ELF1: variants seen among roughly 807,000 people sequenced by gnomAD.
The protein encoded by ELF1 is ETS-related transcription factor Elf-1.
In ELF1, 24 loss-of-function variants were observed where a neutral mutation model predicts 59.9. The observed-to-expected ratio is 0.40, with a 90% CI of 0.29 to 0.56. ELF1 has a LOEUF of 0.56. Among genes scored for constraint, ELF1 ranks in the 20% least tolerant of loss-of-function variants. The pLI is 0.44. For synonymous variants in ELF1, 248 were observed against 266.2 expected, an observed-to-expected ratio of 0.93 and a Z score of 0.67; for missense variants, 627 against 742.2, an observed-to-expected ratio of 0.84 and a Z score of 1.80.
At chr13:41,024,813 T>G (rs1025992511) in intron 1 of ELF1, among the ~76,000 whole-genome samples, 1 of 152,208 alleles carries the variant, frequency 6.6e-6, no homozygotes, top group African/African-American at 2.4e-5. Flanking sequence ...ATTTTTATAC[T>G]GAGTTTAAAG....
At position 40,986,934 on chromosome 13, in the gene ELF1, G is replaced by GCT. The variant is rs200631432; in HGVS notation, c.-228-4654_-228-4653dup. Among the ~76,000 whole-genome samples, 24 of 11,588 alleles carry GCT rather than the reference G, an allele frequency of 2.1e-3. 8 individuals carry two copies. The highest frequency in any genetic ancestry group is 5.5e-3 in the Admixed American group (3 of 550). The allele number at this position is 11,588 out of a possible 152,430, so 7.6% of individuals were successfully genotyped here. ...ATAAATATATTTTTAGAAAATCATT[G>GCT]CTCTTTTTTTTTTTTTTTTTTGAGT... On this transcript the variant is annotated intron_variant, in intron 1 of 8. Transcript: ENST00000239882.
Position 40,941,085 on chromosome 13 carries a change from T to C in ELF1, c.1092A>G (p.Pro364=). The change falls in exon 8 of 9, where the codon CCA becomes CCG. Residue 364 remains proline, a synonymous_variant. Transcript: ENST00000239882. The part of the protein sequence containing the change: ...KPKDPVEVAQ[P]SEVLRTVQPT... ...GCTGCACTGTCCTCAAAACTTCTGA[T>C]GGTTGTGCAACTTCCACAGGATCTT... The C allele has an allele frequency of 1.2e-6, 2 of 1,614,202 alleles. No individual in the cohort carries two copies. The highest frequency in any genetic ancestry group is 1.1e-5 in the South Asian group (1 of 91,080).
chr13:40,968,641 C>A (rs1698880258), intron 2 of ELF1, among the ~76,000 whole-genome samples: 2 of 151,820 alleles, frequency 1.3e-5, no homozygotes, highest in African/African-American at 2.4e-5. Context: ...TCTCCACATA[C>A]TTTAAAAAAA....
At chr13:41,049,185 G>T (rs1160966786) in intron 1 of ELF1, among the ~76,000 whole-genome samples, 1 of 152,162 alleles carries the variant, frequency 6.6e-6, no homozygotes, top group Admixed American at 6.6e-5. Flanking sequence ...CCCAAGTCAA[G>T]TATCAATTTC....
rs1030331782 is a variant in ELF1, at chr13:40,956,121, G to A, written c.253+2715C>T. On this transcript the variant is annotated intron_variant, in intron 3 of 8. Coordinates refer to ENST00000239882, the MANE Select transcript of ELF1 (RefSeq NM_172373.4). ...GCCATGATGACAATGGCGGTTTTGT[G>A]GAATAGAAAGGGGGGAAAGGTGGGG... 5.7e-3 allele frequency among the ~76,000 whole-genome samples: 859 copies of A among 150,116 alleles called. 8 individuals are homozygous for A. Among genetic ancestry groups the A allele is most frequent in the South Asian group, 0.013 (62 of 4,600 alleles).
At chr13:40,950,533 A>G (rs948350271) in intron 4 of ELF1, among the ~76,000 whole-genome samples, 3 of 151,820 alleles carry the variant, frequency 2.0e-5, no homozygotes, top group Non-Finnish European at 4.4e-5. Context: ...CTTTAACTCC[A>G]TTCCCTCCAG....
intron 1 of ELF1, among the ~76,000 whole-genome samples, chr13:41,010,465 CA>C (rs1355077016): frequency 7.0e-6 from 1 of 143,832 alleles, no homozygotes; most frequent in Non-Finnish European, 1.5e-5. Context: ...CCCACCCCCC[CA>C]AAAAAATACA....
At chr13:40,961,076 G>A (rs1256505407) in intron 2 of ELF1, among the ~76,000 whole-genome samples, 2 of 152,022 alleles carry the variant, frequency 1.3e-5, no homozygotes, top group African/African-American at 2.4e-5. Flanking sequence ...TATTATTTAT[G>A]GTTTCATTGC....
intron 1 of ELF1, among the ~76,000 whole-genome samples, chr13:41,032,954 AC>A (rs1462676858): frequency 2.6e-5 from 4 of 152,188 alleles, no homozygotes; most frequent in African/African-American, 9.6e-5. Context: ...TGTCCTACGG[AC>A]TGATGACTGA....
intron 6 of ELF1, 84 bp from the exon 7 acceptor site, chr13:40,943,228 G>T: frequency 8.5e-7 from 1 of 1,180,688 alleles, no homozygotes; most frequent in Non-Finnish European, 1.1e-6. Context: ...TCTTAGAAGT[G>T]CCATTTATAT....
At position 41,012,047 on chromosome 13, in the gene ELF1, C is replaced by T. The variant is rs548055896; in HGVS notation, c.-229+7181G>A. Among the ~76,000 whole-genome samples, 93 of 152,206 alleles carry T rather than the reference C, an allele frequency of 6.1e-4. 3 individuals are homozygous for T. In the South Asian group the frequency reaches 0.017, roughly 28 times the overall value. ...TGAGGCCAGGTGCAGTAGCTCCCAC[C>T]TGTAATCCCAGGACTTTGGGAGGCT... On this transcript the variant is annotated intron_variant, in intron 1 of 8. Transcript: ENST00000239882.
upstream of ELF1, among the ~76,000 whole-genome samples, chr13:41,022,806 G>A (rs368013214): frequency 6.6e-6 from 1 of 152,144 alleles, no homozygotes; most frequent in East Asian, 1.9e-4. Context: ...TTGAACCTGG[G>A]AGGTGGAGGT....
chr13:40,934,138 C>T (rs1869605496), intron 8 of ELF1, 110 bp from the exon 9 acceptor site: 6 of 1,388,730 alleles, frequency 4.3e-6, no homozygotes, highest in Non-Finnish European at 5.8e-6. Flanking sequence ...TTTCAAAATG[C>T]TGCTTCCCAT....
intron 1 of ELF1, among the ~76,000 whole-genome samples, chr13:41,043,780 T>C (rs1042329404): frequency 7.9e-5 from 12 of 152,248 alleles, no homozygotes; most frequent in African/African-American, 2.4e-4. Context: ...GACTTGGCAA[T>C]GTGGGCTCTT....
chr13:41,002,968 T>C (rs1874549550), intron 1 of ELF1, among the ~76,000 whole-genome samples: 3 of 152,320 alleles, frequency 2.0e-5, no homozygotes, highest in Admixed American at 6.5e-5. Flanking sequence ...GTAAAGTGTA[T>C]ATTAAAAAGT....
chr13:41,016,494 T>G (rs1875371634), intron 1 of ELF1, among the ~76,000 whole-genome samples: 1 of 152,136 alleles, frequency 6.6e-6, no homozygotes, highest in Non-Finnish European at 1.5e-5. Context: ...AAGGTCAAAT[T>G]TAAGATAAGT....
In ELF1 at chr13:40,958,884, C is replaced by T; in HGVS notation, c.205G>A (p.Ala69Thr). Residue 69 changes from alanine to threonine, a missense_variant, in exon 3 of 9, where the codon GCT becomes ACT. Physicochemically the swap from Ala to Thr is moderately conservative, Grantham distance 58 (BLOSUM62 0). Transcript: ENST00000239882. ...DMITESSLDV[A>T]EEEIIDDDDD... ...TCATCGTCTATGATTTCTTCTTCAG[C>T]AACATCCAGTGAACTCTCAGTAATC... 1 of 1,613,794 alleles carries T rather than the reference C, an allele frequency of 6.2e-7. No homozygotes were observed. The highest frequency in any genetic ancestry group is 1.1e-5 in the South Asian group (1 of 91,040).
chr13:41,001,431 T>TA (rs1161141684), intron 1 of ELF1, among the ~76,000 whole-genome samples: 3 of 152,166 alleles, frequency 2.0e-5, no homozygotes, highest in Admixed American at 1.3e-4. Flanking sequence ...ATCTTTTTTT[T>TA]AAAAAGAGAA....
chr13:40,981,068 T>C (rs1257526194), intron 2 of ELF1, among the ~76,000 whole-genome samples: 2 of 151,984 alleles, frequency 1.3e-5, no homozygotes, highest in Non-Finnish European at 2.9e-5. Flanking sequence ...AAGAATTTTA[T>C]TATTTGTAGT....
Sources: gnomAD v4.1 joint callset for allele counts (sites outside exome capture counted in the v4.1 genomes callset) on GRCh38, gnomAD v4.1.1 for gene constraint, MANE v1.5 for transcripts, NCBI Gene and HGNC (gene_info 2026-07-23, HGNC 2026-07-21) for gene names.